The following GRIN2A variants were observed in gnomAD, a reference collection of about 807,000 sequenced individuals.
GRIN2A encodes glutamate receptor ionotropic, NMDA 2A.
Under a neutral mutation model 113.4 loss-of-function variants are expected in GRIN2A, and 22 were observed. The ratio of observed to expected loss-of-function variants is 0.19; its 90% CI spans 0.14 to 0.28. The LOEUF is 0.28. Ranked by LOEUF, GRIN2A falls within the 10% of genes least tolerant of loss-of-function variation. The pLI is 1.00. For missense variants in GRIN2A, 1,502 were observed against 1,887.0 expected (o/e 0.80, Z 3.78); for synonymous variants, 827 against 738.4 (o/e 1.12, Z -1.94).
At chr16:9,889,868 C>T (rs1281297446) in intron 4 of GRIN2A, among the ~76,000 whole-genome samples, 1 of 152,130 alleles carries the variant, frequency 6.6e-6, no homozygotes, top group African/African-American at 2.4e-5. Flanking sequence ...TTTTATGCTC[C>T]AGAATGTAGT....
intron 11 of GRIN2A, among the ~76,000 whole-genome samples, chr16:9,784,368 T>A (rs1902095976): frequency 7.0e-6 from 1 of 143,608 alleles, no homozygotes; most frequent in African/African-American, 2.6e-5. Context: ...AAGCAGAGGT[T>A]ACAGTAAGCC....
At chr16:9,969,054 G>A (rs2045617475) in intron 2 of GRIN2A, among the ~76,000 whole-genome samples, 1 of 151,588 alleles carries the variant, frequency 6.6e-6, no homozygotes, top group Non-Finnish European at 1.5e-5. Context: ...TTTTTTCACA[G>A]CAAGTCTGAA....
At chr16:10,057,511 A>C (rs1230187042) in intron 2 of GRIN2A, among the ~76,000 whole-genome samples, 1 of 152,176 alleles carries the variant, frequency 6.6e-6, no homozygotes, top group Admixed American at 6.5e-5. Flanking sequence ...GTTGAATTCT[A>C]TGAAGGAAAA....
rs373693033 is a variant in GRIN2A at position 9,893,866 on chromosome 16, G to T, written c.1008-2766C>A. Among the ~76,000 whole-genome samples the T allele has an allele frequency of 4.6e-5, 7 of 152,270 alleles. No individual in the cohort carries two copies. In the East Asian group the frequency reaches 1.2e-3, roughly 25 times the overall value. The stretch of plus-strand genomic sequence containing the variant: ...CTGTATGCCTGGTATATAGGTCAGG[G>T]CTTATAGTAAGTCTTATAGATACAG... On this transcript the variant is annotated intron_variant, in intron 3 of 12. Transcript: ENST00000330684.
intron 2 of GRIN2A, among the ~76,000 whole-genome samples, chr16:9,994,698 T>C (rs2046189246): frequency 6.6e-6 from 1 of 152,190 alleles, no homozygotes; most frequent in African/African-American, 2.4e-5. Context: ...ATTGGGAGCT[T>C]CTGAACTAAG....
intron 2 of GRIN2A, among the ~76,000 whole-genome samples, chr16:10,121,919 A>T (rs1327842532): frequency 6.6e-6 from 1 of 152,226 alleles, no homozygotes; most frequent in Non-Finnish European, 1.5e-5. Context: ...AAGTTTGCAT[A>T]AAATCTCAAA....
chr16:10,025,345 C>T (rs1166790332), intron 2 of GRIN2A, among the ~76,000 whole-genome samples: 1 of 126,272 alleles, frequency 7.9e-6, no homozygotes, highest in South Asian at 2.9e-4. Flanking sequence ...TTTTGTCATC[C>T]AGGCTGGAGT....
rs560598215 is a variant in GRIN2A at position 10,110,304 on chromosome 16, G to A, written c.414+69694C>T. Among the ~76,000 whole-genome samples, 18 of 152,296 alleles carry A rather than the reference G, an allele frequency of 1.2e-4. No individual in the cohort carries two copies. In the South Asian group the frequency reaches 3.7e-3, roughly 32 times the overall value. On this transcript the variant is annotated intron_variant, in intron 2 of 12. Coordinates refer to ENST00000330684, the MANE Select transcript of GRIN2A (RefSeq NM_001134407.3). ...TAACGAGTTAGGGGAACGTGGTAAT[G>A]GATGAGACTGGAGAATAGACAAGGC...
At position 10,004,917 on chromosome 16, in the gene GRIN2A, G is replaced by A. The variant is rs117446258; in HGVS notation, c.415-66366C>T. Reference sequence around the variant, plus strand: ...GGGCCCTTTATTCAGCCTACTACACGGGGCAAGAGAGAGTAGAAGTGGAAA... The same window carrying A: ...GGGCCCTTTATTCAGCCTACTACACAGGGCAAGAGAGAGTAGAAGTGGAAA... On this transcript the variant is annotated intron_variant, in intron 2 of 12. Transcript: ENST00000330684. Among the ~76,000 whole-genome samples, 851 of 152,254 alleles carry A rather than the reference G, an allele frequency of 5.6e-3. 5 individuals are homozygous for A. Among genetic ancestry groups the A allele is most frequent in the Admixed American group, 0.011 (170 of 15,282 alleles).
chr16:9,973,387 G>A (rs1007178574), intron 2 of GRIN2A, among the ~76,000 whole-genome samples: 2 of 152,204 alleles, frequency 1.3e-5, no homozygotes, highest in Non-Finnish European at 2.9e-5. Context: ...CAACTTGGAG[G>A]TTAGAAGCAA....
rs574838251 is a variant in GRIN2A at position 9,786,096 on chromosome 16, G to A, written c.2356+12181C>T. Among the ~76,000 whole-genome samples, 10 of 152,276 alleles carry A rather than the reference G, an allele frequency of 6.6e-5. No homozygotes were observed. In the South Asian group the frequency reaches 1.9e-3, roughly 28 times the overall value. ...ATCCCCAACTGTGATTTCTGCCTTTGAAGTCTCAATTTGATTAAAACACGT... is the reference window on the plus strand; with the variant it reads ...ATCCCCAACTGTGATTTCTGCCTTTAAAGTCTCAATTTGATTAAAACACGT... On this transcript the variant is annotated intron_variant, in intron 11 of 12. Transcript: ENST00000330684.
rs111409093 is a variant in GRIN2A at position 10,001,760 on chromosome 16, G to A, written c.415-63209C>T. On this transcript the variant is annotated intron_variant, in intron 2 of 12. Coordinates refer to ENST00000330684, the MANE Select transcript of GRIN2A (RefSeq NM_001134407.3). ...ATGGCCTGCTTTTACCAAAGGACAT[G>A]AAATTCATGGGGTAGGCACGGATAT... is the stretch of plus-strand genomic sequence containing the variant. Among the ~76,000 whole-genome samples, 402 of 152,286 alleles carry A rather than the reference G, an allele frequency of 2.6e-3. 1 individual carries two copies. Among genetic ancestry groups the A allele is most frequent in the African/African-American group, 9.3e-3 (386 of 41,576 alleles).
At chr16:10,098,907 T>A (rs1243261352) in intron 2 of GRIN2A, among the ~76,000 whole-genome samples, 1 of 151,372 alleles carries the variant, frequency 6.6e-6, no homozygotes, top group Non-Finnish European at 1.5e-5. Context: ...GAACTACTCA[T>A]GTAACCAAAT....
At chr16:9,951,411 A>G (rs1204046972) in intron 2 of GRIN2A, among the ~76,000 whole-genome samples, 6 of 152,218 alleles carry the variant, frequency 3.9e-5, no homozygotes, top group Admixed American at 3.9e-4. Context: ...TGCCCCTTTA[A>G]CAGAGCAACG....
intron 2 of GRIN2A, among the ~76,000 whole-genome samples, chr16:10,077,321 G>T (rs1172942364): frequency 6.6e-6 from 1 of 152,186 alleles, no homozygotes; most frequent in Non-Finnish European, 1.5e-5. Context: ...TGTGTAACAG[G>T]CATCTCAAGT....
chr16:10,049,209 G>C (rs189355495), intron 2 of GRIN2A, among the ~76,000 whole-genome samples: 3 of 152,044 alleles, frequency 2.0e-5, no homozygotes, highest in Non-Finnish European at 4.4e-5. Flanking sequence ...TGGATGGTGA[G>C]ATGACAATGA....
chr16:9,798,266 C>T lies in GRIN2A; in HGVS notation c.2356+11G>A, dbSNP rs772691866. The T allele has an allele frequency of 1.8e-5, 29 of 1,611,102 alleles. No individual in the cohort carries two copies. Among genetic ancestry groups the T allele is most frequent in the Middle Eastern group, 1.6e-4 (1 of 6,066 alleles). On this transcript the variant is annotated intron_variant, in intron 11 of 12. Coordinates refer to ENST00000330684, the MANE Select transcript of GRIN2A (RefSeq NM_001134407.3). Reference sequence around the variant, plus strand: ...AGTCCCCCTAAAGAAAGGGGTCACCCGGGGTCTTACCATCACCCACAAACT... The same window carrying T: ...AGTCCCCCTAAAGAAAGGGGTCACCTGGGGTCTTACCATCACCCACAAACT...
At chr16:9,988,834 T>C (rs1464755351) in intron 2 of GRIN2A, among the ~76,000 whole-genome samples, 1 of 152,124 alleles carries the variant, frequency 6.6e-6, no homozygotes, top group Non-Finnish European at 1.5e-5. Flanking sequence ...ATGCTCCCAC[T>C]TTTGATGGAA....
At chr16:10,095,642 G>A (rs117787826) in intron 2 of GRIN2A, among the ~76,000 whole-genome samples, 20 of 152,198 alleles carry the variant, frequency 1.3e-4, no homozygotes, top group South Asian at 6.2e-4. Context: ...AGTGTATCCC[G>A]TCTTCCTAGT....
Sources: allele counts gnomAD v4.1 joint callset (sites outside exome capture counted in the v4.1 genomes callset), GRCh38; gene constraint gnomAD v4.1.1; transcripts MANE v1.5; gene names NCBI Gene and HGNC (gene_info 2026-07-23, HGNC 2026-07-21).